CHFR: variants seen among roughly 807,000 people sequenced by gnomAD.
CHFR encodes checkpoint with forkhead and ring finger domains, also known as E3 ubiquitin-protein ligase CHFR.
CHFR carries 57 observed loss-of-function variants against 87.6 expected under a neutral mutation model. That is an observed-to-expected ratio of 0.65 (90% CI 0.53 to 0.81). The LOEUF is 0.81. Ranked by LOEUF, CHFR falls within the 30% of genes least tolerant of loss-of-function variation. The probability of loss-of-function intolerance (pLI) is 0.00; values close to 1 mark genes in which losing one functional copy is unlikely to be tolerated. For missense variants in CHFR, 797 were observed against 865.8 expected (o/e 0.92, Z 1.00); for synonymous variants, 381 against 359.2 (o/e 1.06, Z -0.69).
chr12:132,844,806 C>T (rs1055677740), intron 15 of CHFR, among the ~76,000 whole-genome samples: 8 of 151,124 alleles, frequency 5.3e-5, no homozygotes, highest in African/African-American at 1.7e-4. Context: ...AATGTTTATA[C>T]TTTTTTAGTA....
intron 5 of CHFR, among the ~76,000 whole-genome samples, chr12:132,870,158 C>T (rs529643005): frequency 2.0e-5 from 3 of 152,126 alleles, no homozygotes; most frequent in Non-Finnish European, 4.4e-5. Context: ...CGAGGCCAAC[C>T]TGGCTAACAC....
intron 2 of CHFR, among the ~76,000 whole-genome samples, chr12:132,883,209 C>T (rs911718723): frequency 2.1e-5 from 3 of 143,064 alleles, no homozygotes; most frequent in African/African-American, 7.8e-5. Context: ...GGGAGGATCA[C>T]CTGAGGTCAG....
At chr12:132,848,022 C>T in intron 14 of CHFR, 63 bp downstream of exon 14, 4 of 1,612,176 alleles carry the variant, frequency 2.5e-6, no homozygotes, top group Non-Finnish European at 3.4e-6. Flanking sequence ...ATGCAGAGAA[C>T]CAGCTGGCTG....
chr12:132,871,074 G>A (rs905364842), intron 4 of CHFR, among the ~76,000 whole-genome samples: 2 of 152,220 alleles, frequency 1.3e-5, no homozygotes, highest in Admixed American at 1.3e-4. Flanking sequence ...AGATCCTTCC[G>A]TGTGGCCAGG....
chr12:132,883,782 A>C (rs1951822179), intron 2 of CHFR, among the ~76,000 whole-genome samples: 1 of 152,034 alleles, frequency 6.6e-6, no homozygotes, highest in African/African-American at 2.4e-5. Context: ...CCCCCAAATA[A>C]TGCCTTATAA....
Position 132,837,068 on chromosome 12 carries a change from C to G in CHFR, c.*4486G>C. ...GAGGCTGCAGAGGGAGGGGCTGGTACCTGAGGGGCTGTTTGTGAGAATTAG... is the reference window on the plus strand; with the variant it reads ...GAGGCTGCAGAGGGAGGGGCTGGTAGCTGAGGGGCTGTTTGTGAGAATTAG... On this transcript the variant is annotated 3_prime_UTR_variant, in exon 18 of 18. Coordinates refer to ENST00000450056, the MANE Select transcript of CHFR (RefSeq NM_001161346.2). 1 of 328,510 alleles carries G rather than the reference C, an allele frequency of 3.0e-6. No homozygotes were observed. The highest frequency in any genetic ancestry group is 5.9e-6 in the Non-Finnish European group (1 of 168,142). The allele number at this position is 328,510 out of a possible 1,614,324, so 20.3% of individuals were successfully genotyped here.
chr12:132,861,518 C>G lies in CHFR; in HGVS notation c.700G>C (p.Glu234Gln), dbSNP rs1423637297. The change falls in exon 7 of 18, where the codon GAA (glutamate) becomes CAA (glutamine). Residue 234 changes from glutamate to glutamine, a missense_variant. Coordinates refer to ENST00000450056, the MANE Select transcript of CHFR (RefSeq NM_001161346.2). ...DRKTASFSSL[E>Q]PQDQEDLEPV... ...TCCAAATCCTCCTGATCCTGGGGTT[C>G]CAACGACGAAAAGGACGCAGTCTTT... The G allele has an allele frequency of 6.2e-7, 1 of 1,614,174 alleles. No homozygotes were observed.
rs1386548329 is a variant in CHFR at position 132,858,982 on chromosome 12, G to A, written c.911+86C>T. The A allele has an allele frequency of 3.0e-6, 4 of 1,351,654 alleles. No individual in the cohort carries two copies. In the East Asian group the frequency reaches 1.0e-4, roughly 34 times the overall value. The allele number at this position is 1,351,654 out of a possible 1,614,324, so 83.7% of individuals were successfully genotyped here. ...ATGCCAGGCCAAACAGGACCTGCAG[G>A]CTTGTCTCATGCCCAGCCCTGCCCC... On this transcript the variant is annotated intron_variant, in intron 8 of 17. Transcript: ENST00000450056.
chr12:132,859,147 C>T lies in CHFR; in HGVS notation c.832G>A (p.Ala278Thr). 6.2e-7 allele frequency: 1 copy of T among 1,614,134 alleles called. No individual in the cohort carries two copies. Among genetic ancestry groups the T allele is most frequent in the Non-Finnish European group, 8.5e-7 (1 of 1,180,002 alleles). The change falls in exon 8 of 18, where the codon GCA becomes ACA. Residue 278 changes from alanine (A) to threonine (T), a missense_variant. Ala to Thr is a moderately conservative substitution (Grantham distance 58, BLOSUM62 0). Transcript: ENST00000450056. Reference protein sequence around the residue: ...NAQTVHEDVRAAAGKPDKMEE... With the variant: ...NAQTVHEDVRTAAGKPDKMEE... ...ATCTTGTCTGGCTTCCCAGCCGCTG[C>T]TCTGACGTCCTCGTGGACGGTTTGG...
chr12:132,875,163 T>C (rs1295836452), intron 3 of CHFR, among the ~76,000 whole-genome samples: 2 of 152,264 alleles, frequency 1.3e-5, no homozygotes, highest in African/African-American at 4.8e-5. Flanking sequence ...TCTATTAGAC[T>C]AGGAAACGGA....
intron 4 of CHFR, among the ~76,000 whole-genome samples, chr12:132,871,561 CG>C (rs1951490263): frequency 6.6e-6 from 1 of 151,674 alleles, no homozygotes; most frequent in African/African-American, 2.4e-5. Flanking sequence ...CACCTGAGGT[CG>C]GGAGTTTGAG....
At chr12:132,841,787 T>C (rs1255055917) in intron 17 of CHFR, among the ~76,000 whole-genome samples, 191 bp from the exon 18 acceptor site, 2 of 152,196 alleles carry the variant, frequency 1.3e-5, no homozygotes, top group Admixed American at 1.3e-4. Flanking sequence ...TAAACTTCTT[T>C]ATCCCTTTAA....
At chr12:132,849,025 C>T in intron 12 of CHFR, 2 of 308,122 alleles carry the variant, frequency 6.5e-6, no homozygotes, top group Non-Finnish European at 6.1e-6. Flanking sequence ...CAGCTCACTG[C>T]AACCTCCGCC....
Position 132,857,573 on chromosome 12 carries a change from A to G in CHFR, c.912-14T>C. 1 of 1,612,824 alleles carries G rather than the reference A, an allele frequency of 6.2e-7. No individual in the cohort carries two copies. Among genetic ancestry groups the G allele is most frequent in the South Asian group, 1.1e-5 (1 of 90,946 alleles). ...CAGGGCTGCAAACTGAAAGTGCAAG[A>G]GGAACAGTGTCCAGACAGTCCCACA... is the stretch of plus-strand genomic sequence containing the variant. On this transcript the variant is annotated splice_polypyrimidine_tract_variant and intron_variant, in intron 8 of 17. Coordinates refer to ENST00000450056, the MANE Select transcript of CHFR (RefSeq NM_001161346.2).
Position 132,859,176 on chromosome 12 carries a change from T to A in CHFR, c.803A>T (p.Asn268Ile). Reference protein sequence around the residue: ...GQLLVAQPRRNAQTVHEDVRA... With the variant: ...GQLLVAQPRRIAQTVHEDVRA... ...GACGTCCTCGTGGACGGTTTGGGCA[T>A]TTCTACGCGGTTGTGCGACCAACAA... Residue 268 changes from asparagine to isoleucine, a missense_variant, in exon 8 of 18, where the codon AAT (asparagine) becomes ATT (isoleucine). Transcript: ENST00000450056. The A allele has an allele frequency of 6.2e-7, 1 of 1,613,996 alleles. No individual in the cohort carries two copies.
intron 6 of CHFR, chr12:132,867,723 G>C (rs1037296653): frequency 3.3e-5 from 5 of 152,124 alleles, no homozygotes; most frequent in African/African-American, 1.2e-4. Flanking sequence ...GCTATGGAAT[G>C]TAAGAACGCG....
At chr12:132,882,843 CTA>C (rs1951799875) in intron 2 of CHFR, 1 of 152,170 alleles carries the variant, frequency 6.6e-6, no homozygotes, top group African/African-American at 2.4e-5. Flanking sequence ...GTAGCTGAGA[CTA>C]CCAATATGCA....
At position 132,840,777 on chromosome 12, in the gene CHFR, G is replaced by C. The variant is rs1384812230; in HGVS notation, c.*777C>G. 6.6e-6 allele frequency: 1 copy of C among 152,638 alleles called. No homozygotes were observed. The highest frequency in any genetic ancestry group is 1.5e-5 in the Non-Finnish European group (1 of 68,266). The allele number at this position is 152,638 out of a possible 1,614,324, so 9.5% of individuals were successfully genotyped here. ...CGTCCAGCCCCAGGCTCGGGGCCGC[G>C]GTCACTCACACAAGGGAGCAGCATG... On this transcript the variant is annotated 3_prime_UTR_variant, in exon 18 of 18. Transcript: ENST00000450056.
chr12:132,843,080 G>A lies in CHFR; in HGVS notation c.1847C>T (p.Ala616Val). The A allele has an allele frequency of 1.9e-6, 3 of 1,612,940 alleles. No individual in the cohort carries two copies. The highest frequency in any genetic ancestry group is 2.5e-6 in the Non-Finnish European group (3 of 1,179,584). ...GTAGCAGTCAGGACGGGATGTTACG[G>A]CCACTGGAAAAAGAGAAGGGGTACG... ...QNIPASELPV[A>V]VTSRPDCYWG... Residue 616 changes from alanine to valine, a missense_variant, in exon 17 of 18, where the codon GCC (alanine) becomes GTC (valine). Coordinates refer to ENST00000450056, the MANE Select transcript of CHFR (RefSeq NM_001161346.2).
Sources: allele counts gnomAD v4.1 joint callset (sites outside exome capture counted in the v4.1 genomes callset), GRCh38; gene constraint gnomAD v4.1.1; transcripts MANE v1.5; gene names NCBI Gene and HGNC (gene_info 2026-07-23, HGNC 2026-07-21).